PEX26: variants seen among roughly 807,000 people sequenced by gnomAD.
PEX26 encodes peroxisomal biogenesis factor 26.
PEX26 carries 18 observed loss-of-function variants against 31.4 expected under a neutral mutation model. The observed-to-expected ratio is 0.57, with a 90% CI of 0.40 to 0.85. The LOEUF is 0.85. Ranked by LOEUF, PEX26 falls within the 40% of genes least tolerant of loss-of-function variation. The pLI is 0.00. For missense variants in PEX26, 377 were observed against 383.9 expected (o/e 0.98, Z 0.15); for synonymous variants, 176 against 166.9 (o/e 1.05, Z -0.42).
Position 18,078,394 on chromosome 22 carries a change from G to A in PEX26, c.18G>A (p.Ser6=), listed in dbSNP as rs779828551. The A allele has an allele frequency of 2.5e-6, 4 of 1,599,818 alleles. No individual in the cohort carries two copies. The highest frequency in any genetic ancestry group is 2.7e-5 in the African/African-American group (2 of 74,688). Residue 6 remains serine, a synonymous_variant, in exon 1 of 5, where the codon TCG becomes TCA. Coordinates refer to ENST00000399744, the MANE Select transcript of PEX26 (RefSeq NM_001127649.3). ...GACTCGTTATGAAGAGCGATTCTTC[G>A]ACCTCTGCAGCCCCCCTCAGGGGGC... MKSDS[S]TSAAPLRGLG...
chr22:18,088,424 A>G lies in PEX26; in HGVS notation c.*349A>G. On this transcript the variant is annotated 3_prime_UTR_variant, in exon 5 of 5. Coordinates refer to ENST00000399744, the MANE Select transcript of PEX26 (RefSeq NM_001127649.3). This position sits in a 1 kb window ranked among gnomAD's most constrained non-coding sequence, Gnocchi z 4.1. Reference sequence around the variant, plus strand: ...GTTGGTTCTTCAGGTCAGGATGTTAATGGAGCTGGAAGTTCAGAAAAAGCC... The same window carrying G: ...GTTGGTTCTTCAGGTCAGGATGTTAGTGGAGCTGGAAGTTCAGAAAAAGCC... 2.5e-6 allele frequency: 1 copy of G among 393,472 alleles called. No homozygotes were observed. The highest frequency in any genetic ancestry group is 4.9e-6 in the Non-Finnish European group (1 of 204,944). The allele number at this position is 393,472 out of a possible 1,614,324, so 24.4% of individuals were successfully genotyped here. A position where few individuals can be genotyped will look rare whatever the true frequency, so the allele number is the denominator to read the frequency against.
rs1297139778 is a variant in PEX26, at chr22:18,078,658, G to T, written c.230+52G>T. 2.7e-6 allele frequency: 4 copies of T among 1,488,292 alleles called. No individual in the cohort carries two copies. In the South Asian group the frequency reaches 4.7e-5, roughly 18 times the overall value. 92.2% of individuals were successfully genotyped at this position (1,488,292 alleles called of 1,614,324 possible). ...GATTTCCGGGCGCTCTTGTGGTGGG[G>T]CTCAAGGTCTCAGGAGTTCTGTCCT... On this transcript the variant is annotated intron_variant, in intron 1 of 4. Transcript: ENST00000399744.
Position 18,078,479 on chromosome 22 carries a change from G to T in PEX26, c.103G>T (p.Val35Leu). 1 of 1,574,920 alleles carries T rather than the reference G, an allele frequency of 6.3e-7. No homozygotes were observed. Among genetic ancestry groups the T allele is most frequent in the Non-Finnish European group, 8.6e-7 (1 of 1,163,190 alleles). Reference sequence around the variant, plus strand: ...CGCGGTCCCGGCCCGGGCGCCGGCCGTGGACCTTCTGGAGGAGGCGGCCGA... The same window carrying T: ...CGCGGTCCCGGCCCGGGCGCCGGCCTTGGACCTTCTGGAGGAGGCGGCCGA... ...VRAVPARAPAVDLLEEAADLL... is the reference protein window; with the variant it reads ...VRAVPARAPALDLLEEAADLL... Residue 35 changes from valine (V) to leucine (L), a missense_variant, in exon 1 of 5, where the codon GTG becomes TTG. Transcript: ENST00000399744.
chr22:18,078,558 C>T lies in PEX26; in HGVS notation c.182C>T (p.Ala61Val). Residue 61 changes from alanine (A) to valine (V), a missense_variant, in exon 1 of 5, where the codon GCC becomes GTC. Physicochemically the swap from Ala to Val is moderately conservative, Grantham distance 64. Coordinates refer to ENST00000399744, the MANE Select transcript of PEX26 (RefSeq NM_001127649.3). ...GCGGCGCTGGAGACCTGCGAGCGGG[C>T]CTGGCAGAGTCTGGCCAACCACGCC... is the stretch of plus-strand genomic sequence containing the variant. Reference protein sequence around the residue: ...FRAALETCERAWQSLANHAVA... With the variant: ...FRAALETCERVWQSLANHAVA... 3.1e-6 allele frequency: 5 copies of T among 1,593,736 alleles called. No homozygotes were observed. Among genetic ancestry groups the T allele is most frequent in the Non-Finnish European group, 4.3e-6 (5 of 1,172,776 alleles).
rs570731131 is a variant in PEX26, at chr22:18,079,201, GA to G, written c.230+602del. ...AAGAAGAAAAAGAAAAGAATCCGGA[GA>G]AAAAAACCTTGGGCTTGCATTGCTC... On this transcript the variant is annotated intron_variant, in intron 1 of 4. Coordinates refer to ENST00000399744, the MANE Select transcript of PEX26 (RefSeq NM_001127649.3). 2.5e-3 allele frequency: 2,430 copies of G among 985,190 alleles called. 1 individual carries two copies. Among genetic ancestry groups the G allele is most frequent in the Admixed American group, 3.3e-3 (53 of 16,284 alleles). 61.0% of individuals were successfully genotyped at this position (985,190 alleles called of 1,614,324 possible).
intron 1 of PEX26, 36 bp from the exon 2 acceptor site, chr22:18,079,838 A>G: frequency 3.1e-6 from 5 of 1,613,480 alleles, no homozygotes; most frequent in Middle Eastern, 1.7e-4. Flanking sequence ...ATGGAGGGGA[A>G]CCACTTCTAA....
rs972307726 is a variant in PEX26 at position 18,092,040 on chromosome 22, C to T, written c.*3965C>T. The stretch of plus-strand genomic sequence containing the variant: ...AAAGCGAAAGTGATGACATGAACCG[C>T]GAGTAGGGCACCTCCCTGTGCCGTC... On this transcript the variant is annotated 3_prime_UTR_variant, in exon 5 of 5. Coordinates refer to ENST00000399744, the MANE Select transcript of PEX26 (RefSeq NM_001127649.3). 1.2e-4 allele frequency: 19 copies of T among 152,322 alleles called. No individual in the cohort carries two copies. The highest frequency in any genetic ancestry group is 1.7e-4 in the African/African-American group (7 of 41,468). 9.4% of individuals were successfully genotyped at this position (152,322 alleles called of 1,614,324 possible). A position where few individuals can be genotyped will look rare whatever the true frequency, so the allele number is the denominator to read the frequency against.
rs1927352629 is a variant in PEX26, at chr22:18,098,227, A to G, written c.*10152A>G. The stretch of plus-strand genomic sequence containing the variant: ...CTCTGTCTCACACATACACACACAA[A>G]AAAAGTATAAATATATAGCTTTCTA... On this transcript the variant is annotated 3_prime_UTR_variant, in exon 5 of 5. Coordinates refer to ENST00000399744, the MANE Select transcript of PEX26 (RefSeq NM_001127649.3). 6.6e-6 allele frequency: 1 copy of G among 151,992 alleles called. No homozygotes were observed. Among genetic ancestry groups the G allele is most frequent in the East Asian group, 1.9e-4 (1 of 5,182 alleles). The allele number at this position is 151,992 out of a possible 1,614,324, so 9.4% of individuals were successfully genotyped here. A position where few individuals can be genotyped will look rare whatever the true frequency, so the allele number is the denominator to read the frequency against.
In PEX26 at chr22:18,092,956, T is replaced by TA. The variant is rs1412418111; in HGVS notation, c.*4884dup. The TA allele has an allele frequency of 6.6e-6, 1 of 151,232 alleles. No individual in the cohort carries two copies. The highest frequency in any genetic ancestry group is 1.5e-5 in the Non-Finnish European group (1 of 67,838). 9.4% of individuals were successfully genotyped at this position (151,232 alleles called of 1,614,324 possible). A position where few individuals can be genotyped will look rare whatever the true frequency, so the allele number is the denominator to read the frequency against. On this transcript the variant is annotated 3_prime_UTR_variant, in exon 5 of 5. Transcript: ENST00000399744. ...CATATGTCCCAAAAAGAGAAAAAAATAAACGGGACAATGCCAACATGCTCA... is the reference window on the plus strand; with the variant it reads ...CATATGTCCCAAAAAGAGAAAAAAATAAAACGGGACAATGCCAACATGCTCA...
At position 18,078,564 on chromosome 22, in the gene PEX26, A is replaced by G. The variant is rs1926404989; in HGVS notation, c.188A>G (p.Gln63Arg). The change falls in exon 1 of 5, where the codon CAG becomes CGG. Residue 63 changes from glutamine to arginine, a missense_variant. Gln to Arg is a conservative substitution (Grantham distance 43). Transcript: ENST00000399744. ...CTGGAGACCTGCGAGCGGGCCTGGCAGAGTCTGGCCAACCACGCCGTGGCA... is the reference window on the plus strand; with the variant it reads ...CTGGAGACCTGCGAGCGGGCCTGGCGGAGTCTGGCCAACCACGCCGTGGCA... Reference protein sequence around the residue: ...AALETCERAWQSLANHAVAEE... With the variant: ...AALETCERAWRSLANHAVAEE... The G allele has an allele frequency of 3.1e-6, 5 of 1,596,990 alleles. No homozygotes were observed. The highest frequency in any genetic ancestry group is 2.6e-6 in the Non-Finnish European group (3 of 1,174,330).
In PEX26 at chr22:18,098,758, G is replaced by A. The variant is rs539599762; in HGVS notation, c.*10683G>A. The stretch of plus-strand genomic sequence containing the variant: ...AAGTAATACACATGTGTATGTGTGC[G>A]TGTGTAGACATATATATATAATATA... On this transcript the variant is annotated 3_prime_UTR_variant, in exon 5 of 5. Transcript: ENST00000399744. 2.3e-3 allele frequency: 112 copies of A among 49,614 alleles called. No homozygotes were observed. Among genetic ancestry groups the A allele is most frequent in the African/African-American group, 4.5e-3 (103 of 23,052 alleles). The allele number at this position is 49,614 out of a possible 1,614,324, so 3.1% of individuals were successfully genotyped here.
At position 18,092,342 on chromosome 22, in the gene PEX26, C is replaced by T. The variant is rs539735430; in HGVS notation, c.*4267C>T. The T allele has an allele frequency of 6.6e-6, 1 of 152,426 alleles. No homozygotes were observed. Among genetic ancestry groups the T allele is most frequent in the South Asian group, 2.1e-4 (1 of 4,830 alleles). The allele number at this position is 152,426 out of a possible 1,614,324, so 9.4% of individuals were successfully genotyped here. On this transcript the variant is annotated 3_prime_UTR_variant, in exon 5 of 5. Transcript: ENST00000399744. ...CCTTTTGCCTCGCTGCCTCTGGAAA[C>T]CTCAGTGTTTCGGGCTGGTAGGAAG... is the stretch of plus-strand genomic sequence containing the variant.
At position 18,095,468 on chromosome 22, in the gene PEX26, A is replaced by G. The variant is rs1249266996; in HGVS notation, c.*7393A>G. On this transcript the variant is annotated 3_prime_UTR_variant, in exon 5 of 5. Transcript: ENST00000399744. ...ATTTTTTGGTCGCCCCACCAGAGAC[A>G]TCCTACCCATTCCCAGTCCCTCTGT... The G allele has an allele frequency of 2.0e-5, 3 of 152,050 alleles. No individual in the cohort carries two copies. Among genetic ancestry groups the G allele is most frequent in the Non-Finnish European group, 4.4e-5 (3 of 68,016 alleles). The allele number at this position is 152,050 out of a possible 1,614,324, so 9.4% of individuals were successfully genotyped here.
At chr22:18,082,574 C>G (rs1926658912) in intron 2 of PEX26, among the ~76,000 whole-genome samples, 1 of 152,044 alleles carries the variant, frequency 6.6e-6, no homozygotes, top group Non-Finnish European at 1.5e-5. Flanking sequence ...GTTTTTATGC[C>G]ATAACATGCT....
In PEX26 at chr22:18,103,969, G is replaced by A. The variant is rs778962972; in HGVS notation, c.*15894G>A. The A allele has an allele frequency of 4.6e-5, 7 of 152,202 alleles. No homozygotes were observed. Among genetic ancestry groups the A allele is most frequent in the Non-Finnish European group, 1.0e-4 (7 of 68,050 alleles). The allele number at this position is 152,202 out of a possible 1,614,324, so 9.4% of individuals were successfully genotyped here. On this transcript the variant is annotated 3_prime_UTR_variant, in exon 5 of 5. Coordinates refer to ENST00000399744, the MANE Select transcript of PEX26 (RefSeq NM_001127649.3). Reference sequence around the variant, plus strand: ...GGATCTACAACATTGATAGAGATCAGTTTTTCTGCTCTTCCAACATACTGC... The same window carrying A: ...GGATCTACAACATTGATAGAGATCAATTTTTCTGCTCTTCCAACATACTGC...
intron 2 of PEX26, among the ~76,000 whole-genome samples, chr22:18,083,224 T>G (rs1240422846): frequency 6.6e-6 from 1 of 152,206 alleles, no homozygotes; most frequent in Admixed American, 6.5e-5. Context: ...CTCCTGATCT[T>G]AGAGGAAAGG....
rs1432809477 is a variant in PEX26, at chr22:18,090,043, AG to A, written c.*1970del. 1 of 152,182 alleles carries A rather than the reference AG, an allele frequency of 6.6e-6. No homozygotes were observed. The highest frequency in any genetic ancestry group is 2.4e-5 in the African/African-American group (1 of 41,460). The allele number at this position is 152,182 out of a possible 1,614,324, so 9.4% of individuals were successfully genotyped here. ...AATGAGTAAAGTAGGTAAACTTCAC[AG>A]GCCCCTTAGAATTAAATCCTTAGGG... On this transcript the variant is annotated 3_prime_UTR_variant, in exon 5 of 5. Transcript: ENST00000399744.
At position 18,092,228 on chromosome 22, in the gene PEX26, C is replaced by CCA. The variant is rs1364516492; in HGVS notation, c.*4155_*4156dup. On this transcript the variant is annotated 3_prime_UTR_variant, in exon 5 of 5. Coordinates refer to ENST00000399744, the MANE Select transcript of PEX26 (RefSeq NM_001127649.3). ...TCTCTGGCCTAGTCAAGCAACCCACCCACGGCCTGGCCAAGGTCGGCCTCA... is the reference window on the plus strand; with the variant it reads ...TCTCTGGCCTAGTCAAGCAACCCACCCACACGGCCTGGCCAAGGTCGGCCTCA... 1 of 152,308 alleles carries CCA rather than the reference C, an allele frequency of 6.6e-6. No individual in the cohort carries two copies. The highest frequency in any genetic ancestry group is 2.4e-5 in the African/African-American group (1 of 41,466). 9.4% of individuals were successfully genotyped at this position (152,308 alleles called of 1,614,324 possible). A position where few individuals can be genotyped will look rare whatever the true frequency, so the allele number is the denominator to read the frequency against.
intron 3 of PEX26, among the ~76,000 whole-genome samples, chr22:18,084,393 C>T (rs1047941994): frequency 7.2e-5 from 11 of 152,060 alleles, no homozygotes; most frequent in African/African-American, 1.7e-4. Context: ...TACAGGTGCC[C>T]GCCACCACAC....
Sources: allele counts gnomAD v4.1 joint callset (sites outside exome capture counted in the v4.1 genomes callset), GRCh38; gene constraint gnomAD v4.1.1; non-coding constraint Gnocchi (gnomAD v3.1); transcripts MANE v1.5; gene names NCBI Gene and HGNC (gene_info 2026-07-23, HGNC 2026-07-21).